The following SLC35F3 variants were observed in gnomAD, a reference collection of about 807,000 sequenced individuals.
The protein encoded by SLC35F3 is solute carrier family 35 member F3.
A neutral mutation model predicts 49.9 loss-of-function variants in SLC35F3; 25 were observed. The ratio of observed to expected loss-of-function variants is 0.50; its 90% CI spans 0.37 to 0.70. The LOEUF is 0.70. Among genes scored for constraint, SLC35F3 ranks in the 30% least tolerant of loss-of-function variants. The probability of loss-of-function intolerance (pLI) is 0.00; values close to 1 mark genes in which losing one functional copy is unlikely to be tolerated. For synonymous variants in SLC35F3, 275 were observed against 265.4 expected (o/e 1.04, Z -0.35); for missense variants, 525 against 639.8 (o/e 0.82, Z 1.94).
At chr1:233,959,332 G>A (rs942031043) in intron 2 of SLC35F3, among the ~76,000 whole-genome samples, 1 of 151,798 alleles carries the variant, frequency 6.6e-6, no homozygotes, top group Non-Finnish European at 1.5e-5. Context: ...AATACTTAAC[G>A]ACTTTTTGCC....
intron 2 of SLC35F3, among the ~76,000 whole-genome samples, chr1:234,145,313 G>A (rs1359196770): frequency 6.6e-6 from 1 of 152,182 alleles, no homozygotes; most frequent in African/African-American, 2.4e-5. Context: ...ATGCTATTGG[G>A]GGAAGCTCTG....
chr1:234,298,438 C>T (rs1668639584), intron 3 of SLC35F3, among the ~76,000 whole-genome samples: 1 of 152,078 alleles, frequency 6.6e-6, no homozygotes, highest in African/African-American at 2.4e-5. Flanking sequence ...AAGAAAGAGA[C>T]AAAGGTATGA....
intron 3 of SLC35F3, among the ~76,000 whole-genome samples, chr1:234,280,206 C>A (rs1469025752): frequency 6.6e-6 from 1 of 152,236 alleles, no homozygotes; most frequent in East Asian, 1.9e-4. Context: ...AACATTCCTG[C>A]TTCCTTCTCA....
chr1:234,121,426 C>T (rs888402656), intron 2 of SLC35F3, among the ~76,000 whole-genome samples: 4 of 151,976 alleles, frequency 2.6e-5, no homozygotes, highest in South Asian at 2.1e-4. Flanking sequence ...GCATGAGCCA[C>T]CACGCCCAGC....
intron 2 of SLC35F3, among the ~76,000 whole-genome samples, chr1:234,225,669 G>A (rs1667275284): frequency 6.6e-6 from 1 of 152,134 alleles, no homozygotes; most frequent in Admixed American, 6.5e-5. Context: ...TTGAATGAGT[G>A]GCCTAAAAAC....
At chr1:234,098,680 ATGG>A (rs1423852294) in intron 2 of SLC35F3, among the ~76,000 whole-genome samples, 1 of 142,908 alleles carries the variant, frequency 7.0e-6, no homozygotes, top group Non-Finnish European at 1.5e-5. Flanking sequence ...TTATAGGGTG[ATGG>A]TGGTGACTGT....
At chr1:234,117,646 G>A (rs1173398674) in intron 2 of SLC35F3, among the ~76,000 whole-genome samples, 2 of 150,554 alleles carry the variant, frequency 1.3e-5, no homozygotes, top group African/African-American at 4.9e-5. Flanking sequence ...CAGAACTTTG[G>A]GAGGCTGAGG....
intron 3 of SLC35F3, among the ~76,000 whole-genome samples, chr1:234,258,817 A>G (rs1215124749): frequency 1.3e-5 from 2 of 152,262 alleles, no homozygotes; most frequent in Non-Finnish European, 2.9e-5. Context: ...AGCCAACAGT[A>G]TCAGATAACA....
intron 2 of SLC35F3, among the ~76,000 whole-genome samples, chr1:233,986,674 T>C (rs979281562): frequency 6.6e-6 from 1 of 152,234 alleles, no homozygotes; most frequent in African/African-American, 2.4e-5. Context: ...TAACATTTGC[T>C]TATTTTTGTA....
At chr1:234,265,145 C>T (rs964083034) in intron 3 of SLC35F3, among the ~76,000 whole-genome samples, 1 of 152,106 alleles carries the variant, frequency 6.6e-6, no homozygotes, top group Non-Finnish European at 1.5e-5. Context: ...ATTCCAAGAC[C>T]TATAACCAAC....
intron 2 of SLC35F3, among the ~76,000 whole-genome samples, chr1:233,946,601 G>C (rs1427760761): frequency 6.6e-6 from 1 of 151,840 alleles, no homozygotes; most frequent in Non-Finnish European, 1.5e-5. Context: ...TTTTAAAGAC[G>C]ATTTATGTAA....
intron 2 of SLC35F3, among the ~76,000 whole-genome samples, chr1:233,945,733 T>C (rs570492915): frequency 1.3e-5 from 2 of 152,350 alleles, no homozygotes; most frequent in Non-Finnish European, 2.9e-5. Context: ...CGAGATCTGA[T>C]GGTTTTATAA....
chr1:234,214,568 G>A lies in SLC35F3; in HGVS notation c.284-16849G>A, dbSNP rs1271400826. 2 of 1,549,530 alleles carry A rather than the reference G, an allele frequency of 1.3e-6. No homozygotes were observed. Among genetic ancestry groups the A allele is most frequent in the East Asian group, 2.6e-5 (1 of 38,772 alleles). ...CAGTCCGGTCCTGACCCTTACCAAA[G>A]TGGAAGGTAATGCGCGGCCGCCTCG... is the stretch of plus-strand genomic sequence containing the variant. On this transcript the variant is annotated intron_variant, in intron 2 of 7. Coordinates refer to ENST00000366618, the MANE Select transcript of SLC35F3 (RefSeq NM_173508.4). This position sits in a 1 kb window ranked among gnomAD's most constrained non-coding sequence, Gnocchi z 8.0.
chr1:234,003,452 C>G (rs1173532743), intron 2 of SLC35F3, among the ~76,000 whole-genome samples: 1 of 152,044 alleles, frequency 6.6e-6, no homozygotes, highest in East Asian at 1.9e-4. Context: ...TGAGATTGCC[C>G]CATGGGTGAG....
At chr1:234,217,651 T>G (rs2102943420) in intron 2 of SLC35F3, among the ~76,000 whole-genome samples, 1 of 151,982 alleles carries the variant, frequency 6.6e-6, no homozygotes, top group African/African-American at 2.4e-5. Flanking sequence ...GAGGCCTTTC[T>G]GAGGAGAAGA....
chr1:233,925,958 GC>G (rs765865794), intron 2 of SLC35F3, among the ~76,000 whole-genome samples: 75 of 152,240 alleles, frequency 4.9e-4, no homozygotes, highest in South Asian at 4.6e-3. Flanking sequence ...TTGAATATTG[GC>G]CCCCACTCTC....
chr1:234,071,135 G>C (rs1285990691), intron 2 of SLC35F3, among the ~76,000 whole-genome samples: 1 of 152,208 alleles, frequency 6.6e-6, no homozygotes, highest in Non-Finnish European at 1.5e-5. Context: ...GGACCCAAGA[G>C]CAGACCCGGC....
At chr1:234,191,056 A>T (rs1195057671) in intron 2 of SLC35F3, among the ~76,000 whole-genome samples, 1 of 152,184 alleles carries the variant, frequency 6.6e-6, no homozygotes. Context: ...AGGAGGAGGT[A>T]ATGATTGGTT....
At chr1:234,192,305 G>A (rs1017714640) in intron 2 of SLC35F3, among the ~76,000 whole-genome samples, 49 of 152,138 alleles carry the variant, frequency 3.2e-4, no homozygotes, top group African/African-American at 1.0e-3. Flanking sequence ...ACATATGCAA[G>A]TCAATAAATG....
Sources: allele counts gnomAD v4.1 joint callset (sites outside exome capture counted in the v4.1 genomes callset), GRCh38; gene constraint gnomAD v4.1.1; non-coding constraint Gnocchi (gnomAD v3.1); transcripts MANE v1.5; gene names NCBI Gene and HGNC (gene_info 2026-07-23, HGNC 2026-07-21).